The following WWOX variants were observed in gnomAD, a reference collection of about 807,000 sequenced individuals.
The protein encoded by WWOX is WW domain containing oxidoreductase.
In WWOX, 69 loss-of-function variants were observed where a neutral mutation model predicts 46.2. The ratio of observed to expected loss-of-function variants is 1.49; its 90% CI spans 1.23 to 1.82. The LOEUF (loss-of-function observed/expected upper bound fraction) is 1.82, where lower values mean the gene tolerates loss of function less well. Among genes scored for constraint, WWOX ranks in the 40% most tolerant of loss-of-function variants. WWOX has a pLI of 0.00. For missense variants in WWOX, 919 were observed against 542.6 expected (o/e 1.69, Z -6.89); for synonymous variants, 359 against 202.6 (o/e 1.77, Z -6.56).
chr16:78,716,984 G>A (rs139996931), intron 8 of WWOX, among the ~76,000 whole-genome samples: 38 of 152,252 alleles, frequency 2.5e-4, no homozygotes, highest in African/African-American at 7.9e-4. Context: ...GTTCTCAGTC[G>A]TAAAATTAGG....
chr16:78,572,450 C>A (rs1351942414), intron 8 of WWOX, among the ~76,000 whole-genome samples: 1 of 151,640 alleles, frequency 6.6e-6, no homozygotes, highest in Non-Finnish European at 1.5e-5. Flanking sequence ...CAAAAATTAG[C>A]CAGTGTGGTA....
At chr16:78,411,638 T>C (rs2082682984) in intron 6 of WWOX, among the ~76,000 whole-genome samples, 1 of 152,120 alleles carries the variant, frequency 6.6e-6, no homozygotes, top group Admixed American at 6.5e-5. Flanking sequence ...TTTTTGAGAA[T>C]GGGTAGGTAA....
chr16:78,515,832 A>C (rs898649016), intron 8 of WWOX, among the ~76,000 whole-genome samples: 1 of 152,214 alleles, frequency 6.6e-6, no homozygotes, highest in Non-Finnish European at 1.5e-5. Flanking sequence ...AGTTAAAAAA[A>C]GCAATAACAT....
At chr16:78,665,050 T>C (rs1330351833) in intron 8 of WWOX, among the ~76,000 whole-genome samples, 1 of 152,160 alleles carries the variant, frequency 6.6e-6, no homozygotes, top group African/African-American at 2.4e-5. Flanking sequence ...TTCATTACAC[T>C]ACAAAGGGCT....
At chr16:79,149,536 T>C (rs1214099512) in intron 8 of WWOX, among the ~76,000 whole-genome samples, 2 of 152,212 alleles carry the variant, frequency 1.3e-5, no homozygotes, top group Non-Finnish European at 2.9e-5. Context: ...TCCATTTTTG[T>C]GGTTAGGAGA....
At chr16:78,742,049 C>T (rs1186424234) in intron 8 of WWOX, among the ~76,000 whole-genome samples, 2 of 152,164 alleles carry the variant, frequency 1.3e-5, no homozygotes, top group African/African-American at 2.4e-5. Context: ...AACCTGGCAA[C>T]CCTGTGACCT....
At chr16:79,090,319 GATATA>G (rs1330152387) in intron 8 of WWOX, among the ~76,000 whole-genome samples, 20 of 147,954 alleles carry the variant, frequency 1.4e-4, no homozygotes, top group East Asian at 4.0e-4. Context: ...GTGTGTGTGT[GATATA>G]ATGTGTTGCA....
chr16:78,776,397 G>C (rs2050191152), intron 8 of WWOX, among the ~76,000 whole-genome samples: 1 of 151,848 alleles, frequency 6.6e-6, no homozygotes, highest in Admixed American at 6.6e-5. Context: ...GTGTGACCTG[G>C]GTCAACTCAT....
intron 8 of WWOX, among the ~76,000 whole-genome samples, chr16:78,995,496 TG>T (rs1005200723): frequency 2.0e-5 from 3 of 151,902 alleles, no homozygotes; most frequent in African/African-American, 7.3e-5. Flanking sequence ...TTGTAAATTA[TG>T]GAACCCAAGC....
At chr16:78,128,262 C>T (rs2033443633) in intron 4 of WWOX, among the ~76,000 whole-genome samples, 1 of 151,816 alleles carries the variant, frequency 6.6e-6, no homozygotes, top group Admixed American at 6.6e-5. Flanking sequence ...CGAAGTGAAC[C>T]GGATGTCCGG....
At chr16:78,209,821 A>G (rs1011715175) in intron 5 of WWOX, among the ~76,000 whole-genome samples, 1 of 152,106 alleles carries the variant, frequency 6.6e-6, no homozygotes, top group Non-Finnish European at 1.5e-5. Flanking sequence ...GATCACATTT[A>G]TGATGAAATA....
At chr16:78,183,449 TTTGGAATCAGCCCGGTGGAGG>T (rs1397634054) in intron 5 of WWOX, among the ~76,000 whole-genome samples, 2 of 152,236 alleles carry the variant, frequency 1.3e-5, no homozygotes, top group African/African-American at 4.8e-5. Context: ...GAACATGGAT[TTTGGAATCAGCCCGGTGGAGG>T]TTGGAATCCT....
chr16:79,080,960 A>T (rs1479190669), intron 8 of WWOX, among the ~76,000 whole-genome samples: 1 of 152,164 alleles, frequency 6.6e-6, no homozygotes, highest in African/African-American at 2.4e-5. Context: ...GTGTAGTTAG[A>T]TAGTGATGAA....
At chr16:78,784,051 A>T (rs112687354) in intron 8 of WWOX, among the ~76,000 whole-genome samples, 2 of 152,084 alleles carry the variant, frequency 1.3e-5, no homozygotes, top group African/African-American at 4.8e-5. Context: ...AGTGATGATG[A>T]TATCAACAGA....
chr16:78,170,068 C>T (rs2035105033), intron 5 of WWOX, among the ~76,000 whole-genome samples: 1 of 152,074 alleles, frequency 6.6e-6, no homozygotes, highest in Admixed American at 6.6e-5. Context: ...CCTGACTTCC[C>T]AGAATGTGTC....
intron 8 of WWOX, among the ~76,000 whole-genome samples, chr16:78,956,537 A>G (rs2046170448): frequency 6.6e-6 from 1 of 152,160 alleles, no homozygotes; most frequent in Non-Finnish European, 1.5e-5. Flanking sequence ...ACAGTTGGTG[A>G]TATATATTCT....
intron 5 of WWOX, among the ~76,000 whole-genome samples, chr16:78,322,974 G>T (rs2080520152): frequency 6.6e-6 from 1 of 152,134 alleles, no homozygotes; most frequent in African/African-American, 2.4e-5. Flanking sequence ...ACAAACACTG[G>T]CATTGGGTTA....
chr16:78,213,055 C>G (rs1317645254), intron 5 of WWOX, among the ~76,000 whole-genome samples: 1 of 151,882 alleles, frequency 6.6e-6, no homozygotes, highest in African/African-American at 2.4e-5. Flanking sequence ...AAGTTCGAGA[C>G]CAGCCTGGCC....
intron 8 of WWOX, among the ~76,000 whole-genome samples, chr16:79,126,481 TGG>T (rs1389631519): frequency 6.6e-6 from 1 of 152,122 alleles, no homozygotes; most frequent in Non-Finnish European, 1.5e-5. Flanking sequence ...TGTAAGTGTT[TGG>T]TAGTTCGTTC....
Sources: gnomAD v4.1 joint callset for allele counts (sites outside exome capture counted in the v4.1 genomes callset) on GRCh38, gnomAD v4.1.1 for gene constraint, MANE v1.5 for transcripts, NCBI Gene and HGNC (gene_info 2026-07-23, HGNC 2026-07-21) for gene names.